LPL: variants seen among roughly 807,000 people sequenced by gnomAD.
LPL encodes the protein lipoprotein lipase.
In LPL, 43 loss-of-function variants were observed where a neutral mutation model predicts 52.2. The ratio of observed to expected loss-of-function variants is 0.82; its 90% CI spans 0.64 to 1.06. LPL has a LOEUF of 1.06. Ranked by LOEUF, LPL falls within the 50% of genes least tolerant of loss-of-function variation. The pLI is 0.00. For missense variants in LPL, 639 were observed against 585.3 expected (o/e 1.09, Z -0.95); for synonymous variants, 244 against 215.6 (o/e 1.13, Z -1.15).
chr8:19,958,580 A>AT lies in LPL; in HGVS notation c.1019-677dup, dbSNP rs1344628395. On this transcript the variant is annotated intron_variant, in intron 6 of 9. Coordinates refer to ENST00000650287, the MANE Select transcript of LPL (RefSeq NM_000237.3). The stretch of plus-strand genomic sequence containing the variant: ...TAAGTTCTTTTTTAAAAAAAATTTT[A>AT]TTTATTTCCATAGGTTATTGGGGGA... Among the ~76,000 whole-genome samples, 8 of 152,026 alleles carry AT rather than the reference A, an allele frequency of 5.3e-5. No individual in the cohort carries two copies. The Middle Eastern group carries it at 0.01, about 194-fold the overall frequency.
rs1486154982 is a variant in LPL, at chr8:19,939,432, C to T, written c.-9C>T. 6.2e-7 allele frequency: 1 copy of T among 1,604,252 alleles called. No homozygotes were observed. Among genetic ancestry groups the T allele is most frequent in the African/African-American group, 1.3e-5 (1 of 74,830 alleles). On this transcript the variant is annotated 5_prime_UTR_variant, in exon 1 of 10. Transcript: ENST00000650287. This position sits in a 1 kb window ranked among gnomAD's most constrained non-coding sequence, Gnocchi z 4.0. ...GCCTTGCAGCTCCTCCAGAGGGACG[C>T]GCCCCGAGATGGAGAGCAAAGCCCT...
At position 19,959,777 on chromosome 8, in the gene LPL, C is replaced by CTT. The variant is rs71205952; in HGVS notation, c.1139+425_1139+426dup. ...AGAAGTCCATGACAAAGTGTTAGCT[C>CTT]TTTTTTTTTTTTTTTTTTTTTTTTT... On this transcript the variant is annotated intron_variant, in intron 7 of 9. Coordinates refer to ENST00000650287, the MANE Select transcript of LPL (RefSeq NM_000237.3). 2.1e-3 allele frequency among the ~76,000 whole-genome samples: 140 copies of CTT among 65,136 alleles called. 12 individuals are homozygous for CTT. The highest frequency in any genetic ancestry group is 2.6e-3 in the African/African-American group (39 of 15,148). 42.7% of individuals were successfully genotyped at this position (65,136 alleles called of 152,430 possible).
intron 9 of LPL, among the ~76,000 whole-genome samples, chr8:19,964,946 T>TG (rs1167328291): frequency 6.6e-6 from 1 of 151,250 alleles, no homozygotes; most frequent in African/African-American, 2.5e-5. Context: ...AAAGATTCTC[T>TG]TTCTCACACC....
At chr8:19,949,923 G>A (rs925910649) in intron 2 of LPL, among the ~76,000 whole-genome samples, 2 of 151,840 alleles carry the variant, frequency 1.3e-5, no homozygotes, top group African/African-American at 4.9e-5. Flanking sequence ...TTATCCCTGA[G>A]AGAATTTTAT....
At chr8:19,953,688 C>G (rs1349964394) in intron 4 of LPL, among the ~76,000 whole-genome samples, 1 of 149,688 alleles carries the variant, frequency 6.7e-6, no homozygotes, top group Non-Finnish European at 1.5e-5. Flanking sequence ...AAGCCTGTTT[C>G]CTCCCACTCT....
intron 6 of LPL, 57 bp downstream of exon 6, chr8:19,956,140 A>G: frequency 6.2e-7 from 1 of 1,607,434 alleles, no homozygotes. Context: ...CATCATGCTC[A>G]CTGCATCACA....
At chr8:19,951,364 G>A (rs543722777) in intron 2 of LPL, among the ~76,000 whole-genome samples, 20 of 152,176 alleles carry the variant, frequency 1.3e-4, no homozygotes, top group Non-Finnish European at 1.8e-4. Flanking sequence ...GAAGGGAGGC[G>A]AAGGTGAGTG....
intron 2 of LPL, 160 bp from the exon 3 acceptor site, chr8:19,951,609 A>G: frequency 2.4e-6 from 2 of 833,570 alleles, no homozygotes; most frequent in Non-Finnish European, 4.1e-6. Context: ...GAAGGGACAG[A>G]CCTGTCTCTG....
rs1251920791 is a variant in LPL at position 19,951,793 on chromosome 8, G to A, written c.274G>A (p.Val92Met). The change falls in exon 3 of 10, where the codon GTG becomes ATG. Residue 92 changes from valine (V) to methionine (M), a missense_variant. Transcript: ENST00000650287. Reference sequence around the variant, plus strand: ...GGTAACAGGAATGTATGAGAGTTGGGTGCCAAAACTTGTGGCCGCCCTGTA... The same window carrying A: ...GGTAACAGGAATGTATGAGAGTTGGATGCCAAAACTTGTGGCCGCCCTGTA... ...WTVTGMYESWVPKLVAALYKR... is the reference protein window; with the variant it reads ...WTVTGMYESWMPKLVAALYKR... The A allele has an allele frequency of 1.9e-6, 3 of 1,614,180 alleles. No homozygotes were observed.
rs113443162 is a variant in LPL at position 19,952,860 on chromosome 8, T to C, written c.430-450T>C. On this transcript the variant is annotated intron_variant, in intron 3 of 9. Coordinates refer to ENST00000650287, the MANE Select transcript of LPL (RefSeq NM_000237.3). ...TTTAGAGTAAGGAATAATGGGAAAA[T>C]ATATACCCATATACTATACATTCAA... Among the ~76,000 whole-genome samples, 282 of 152,300 alleles carry C rather than the reference T, an allele frequency of 1.9e-3. 2 individuals carry two copies. Among genetic ancestry groups the C allele is most frequent in the African/African-American group, 6.7e-3 (277 of 41,566 alleles).
chr8:19,957,843 A>G (rs1039327205), intron 6 of LPL, among the ~76,000 whole-genome samples: 5 of 152,158 alleles, frequency 3.3e-5, no homozygotes, highest in African/African-American at 4.8e-5. Flanking sequence ...GCATAAAAAT[A>G]TGGTCTGCTA....
At chr8:19,962,861 C>A (rs2070051936) in intron 9 of LPL, among the ~76,000 whole-genome samples, 1 of 152,228 alleles carries the variant, frequency 6.6e-6, no homozygotes, top group Non-Finnish European at 1.5e-5. Context: ...CATGTGGCAG[C>A]TGTTAGCTGC....
intron 6 of LPL, among the ~76,000 whole-genome samples, chr8:19,956,618 G>A (rs986623967): frequency 1.1e-4 from 16 of 152,054 alleles, no homozygotes; most frequent in African/African-American, 3.4e-4. Flanking sequence ...CCCACCCTCT[G>A]GGAGGCCCCA....
Position 19,965,641 on chromosome 8 carries a change from TG to T in LPL, c.*334del. On this transcript the variant is annotated 3_prime_UTR_variant, in exon 10 of 10. Transcript: ENST00000650287. ...AATAAGGCTCCTTCATGTGGCGTAT[TG>T]GGCCATAGCCTATAATTGGTTAGAA... is the stretch of plus-strand genomic sequence containing the variant. 9.9e-6 allele frequency: 3 copies of T among 303,030 alleles called. No individual in the cohort carries two copies. In the South Asian group the frequency reaches 2.1e-4, roughly 21 times the overall value. 18.8% of individuals were successfully genotyped at this position (303,030 alleles called of 1,614,324 possible).
At chr8:19,953,748 A>T (rs901688746) in intron 4 of LPL, among the ~76,000 whole-genome samples, 10 of 152,224 alleles carry the variant, frequency 6.6e-5, no homozygotes, top group African/African-American at 2.4e-4. Flanking sequence ...AGGAGAAAAG[A>T]AGAAGGACCA....
In LPL at chr8:19,950,098, C is replaced by G. The variant is rs2069919863; in HGVS notation, c.250-1671C>G. 6.6e-6 allele frequency among the ~76,000 whole-genome samples: 1 copy of G among 152,176 alleles called. No homozygotes were observed. The highest frequency in any genetic ancestry group is 1.5e-5 in the Non-Finnish European group (1 of 68,042). Reference sequence around the variant, plus strand: ...TCCTGACATTTTGAGTGCTTGAGCACAGAGACTGCTGTCTGGCTGTGGGAC... The same window carrying G: ...TCCTGACATTTTGAGTGCTTGAGCAGAGAGACTGCTGTCTGGCTGTGGGAC... On this transcript the variant is annotated intron_variant, in intron 2 of 9. Coordinates refer to ENST00000650287, the MANE Select transcript of LPL (RefSeq NM_000237.3). The surrounding 1 kb of genome is among the most constrained non-coding windows in gnomAD (Gnocchi z 4.2).
rs941961267 is a variant in LPL, at chr8:19,948,609, T to C, written c.249+269T>C. The stretch of plus-strand genomic sequence containing the variant: ...CCTGCGAGGTTGGTAAAGGATGCTC[T>C]GCCCAGCTACTGAGCAGAAGATAGG... On this transcript the variant is annotated intron_variant, in intron 2 of 9. Transcript: ENST00000650287. 16 of 440,206 alleles carry C rather than the reference T, an allele frequency of 3.6e-5. No homozygotes were observed. In the East Asian group the frequency reaches 4.4e-4, roughly 12 times the overall value. 27.3% of individuals were successfully genotyped at this position (440,206 alleles called of 1,614,324 possible).
intron 9 of LPL, among the ~76,000 whole-genome samples, chr8:19,962,713 C>T (rs2070050942): frequency 6.6e-6 from 1 of 152,204 alleles, no homozygotes; most frequent in Admixed American, 6.5e-5. Flanking sequence ...GACACACAGC[C>T]AACAGGGCTG....
At chr8:19,952,129 A>G (rs1315649917) in intron 3 of LPL, among the ~76,000 whole-genome samples, 181 bp downstream of exon 3, 2 of 152,212 alleles carry the variant, frequency 1.3e-5, no homozygotes, top group African/African-American at 2.4e-5. Context: ...AGAATAGACT[A>G]TAAGGCCAAT....
Sources: gnomAD v4.1 joint callset for allele counts (sites outside exome capture counted in the v4.1 genomes callset) on GRCh38, gnomAD v4.1.1 for gene constraint, Gnocchi (gnomAD v3.1) non-coding constraint, MANE v1.5 for transcripts, NCBI Gene and HGNC (gene_info 2026-07-23, HGNC 2026-07-21) for gene names.